ADRA1D: variants seen among roughly 807,000 people sequenced by gnomAD.
The protein encoded by ADRA1D is alpha-1D adrenergic receptor.
A neutral mutation model predicts 18.6 loss-of-function variants in ADRA1D; 22 were observed. That is an observed-to-expected ratio of 1.19 (90% CI 0.85 to 1.69). ADRA1D has a LOEUF of 1.69. Among genes scored for constraint, ADRA1D ranks in the 40% most tolerant of loss-of-function variants. The pLI, the probability that ADRA1D is intolerant of heterozygous loss-of-function variation, is 0.00. For synonymous variants in ADRA1D, 376 were observed against 388.2 expected (o/e 0.97, Z 0.37); for missense variants, 840 against 840.7 (o/e 1.00, Z 0.01).
At chr20:4,225,935 G>A (rs1029643806) in intron 1 of ADRA1D, among the ~76,000 whole-genome samples, 3 of 152,206 alleles carry the variant, frequency 2.0e-5, no homozygotes, top group Non-Finnish European at 4.4e-5. Context: ...GGCCACTAGT[G>A]TTGACCTCAG....
rs116409377 is a variant in ADRA1D at position 4,228,569 on chromosome 20, A to C, written c.1112-6439T>G. Among the ~76,000 whole-genome samples the C allele has an allele frequency of 5.7e-3, 869 of 152,326 alleles. 9 individuals are homozygous for C. The highest frequency in any genetic ancestry group is 0.019 in the African/African-American group (806 of 41,564). ...CCTTAAATGGTGAAATAGAGAGGGA[A>C]CATATAGTTACCTACAGTGTAACCT... On this transcript the variant is annotated intron_variant, in intron 1 of 1. Coordinates refer to ENST00000379453, the MANE Select transcript of ADRA1D (RefSeq NM_000678.4).
In ADRA1D at chr20:4,221,693, G is replaced by A. The variant is rs1980669651; in HGVS notation, c.1549C>T (p.Leu517=). Residue 517 remains leucine, a synonymous_variant, in exon 2 of 2, where the codon CTG becomes TTG. Coordinates refer to ENST00000379453, the MANE Select transcript of ADRA1D (RefSeq NM_000678.4). ...CCCCCGGCGCGGATCTTGTGCGACA[G>A]GCTGGAGACTTTGGCGCGCAGCTGG... is the stretch of plus-strand genomic sequence containing the variant. The part of the protein sequence containing the change: ...TTQLRAKVSS[L]SHKIRAGGAQ... 1 of 1,611,878 alleles carries A rather than the reference G, an allele frequency of 6.2e-7. No homozygotes were observed. Among genetic ancestry groups the A allele is most frequent in the African/African-American group, 1.3e-5 (1 of 75,048 alleles).
chr20:4,248,616 G>A lies in ADRA1D; in HGVS notation c.342C>T (p.Asn114=). Residue 114 remains asparagine, a synonymous_variant, in exon 1 of 2, where the codon AAC becomes AAT. Coordinates refer to ENST00000379453, the MANE Select transcript of ADRA1D (RefSeq NM_000678.4). ...AGGCCACTGAGAGGATGACAAGCAGGTTACCTGCCACGGCCATAAGGATGA... is the reference window on the plus strand; with the variant it reads ...AGGCCACTGAGAGGATGACAAGCAGATTACCTGCCACGGCCATAAGGATGA... ...AAFILMAVAG[N]LLVILSVACN... 1 of 1,612,878 alleles carries A rather than the reference G, an allele frequency of 6.2e-7. No homozygotes were observed.
chr20:4,227,422 G>GT (rs1980824927), intron 1 of ADRA1D, among the ~76,000 whole-genome samples: 1 of 152,036 alleles, frequency 6.6e-6, no homozygotes, highest in Non-Finnish European at 1.5e-5. Context: ...AGCACTATAG[G>GT]TAACGATCAG....
intron 1 of ADRA1D, among the ~76,000 whole-genome samples, chr20:4,245,615 A>G (rs1335905081): frequency 6.6e-6 from 1 of 152,144 alleles, no homozygotes; most frequent in Non-Finnish European, 1.5e-5. Context: ...TTGTGCATTA[A>G]GCTAAAATTT....
chr20:4,221,012 A>G lies in ADRA1D; in HGVS notation c.*511T>C, dbSNP rs957192697. ...ATGACGGCTATACAATCTGCCACCAAAGCTTGTGGGTGGTGGTAGGTCCAC... is the reference window on the plus strand; with the variant it reads ...ATGACGGCTATACAATCTGCCACCAGAGCTTGTGGGTGGTGGTAGGTCCAC... On this transcript the variant is annotated 3_prime_UTR_variant, in exon 2 of 2. Coordinates refer to ENST00000379453, the MANE Select transcript of ADRA1D (RefSeq NM_000678.4). 6.5e-6 allele frequency: 1 copy of G among 152,752 alleles called. No individual in the cohort carries two copies. The highest frequency in any genetic ancestry group is 2.4e-5 in the African/African-American group (1 of 41,474). The allele number at this position is 152,752 out of a possible 1,614,324, so 9.5% of individuals were successfully genotyped here.
intron 1 of ADRA1D, among the ~76,000 whole-genome samples, chr20:4,228,325 C>T (rs1391857800): frequency 6.6e-6 from 1 of 152,202 alleles, no homozygotes; most frequent in Non-Finnish European, 1.5e-5. Context: ...CTCCTGTCCT[C>T]TGCCAGCTCT....
At chr20:4,234,203 C>G (rs560502839) in intron 1 of ADRA1D, among the ~76,000 whole-genome samples, 1 of 152,368 alleles carries the variant, frequency 6.6e-6, no homozygotes, top group Admixed American at 6.5e-5. Context: ...ATGGCCAGGC[C>G]TGCAGGAGCT....
At chr20:4,228,130 C>T (rs1443210580) in intron 1 of ADRA1D, among the ~76,000 whole-genome samples, 2 of 152,188 alleles carry the variant, frequency 1.3e-5, no homozygotes. Flanking sequence ...TCCTCCTTCT[C>T]TGCTTAGCTG....
rs1266521390 is a variant in ADRA1D, at chr20:4,222,121, A to G, written c.1121T>C (p.Phe374Ser). ...GCCCTCCGATGGCTTCAGCTGCGGG[A>G]ACAAGGAGCCTGTAGGGAGCAGAGA... ...FFFVLPLGSL[F>S]PQLKPSEGVF... Residue 374 changes from phenylalanine to serine, a missense_variant, in exon 2 of 2, where the codon TTC becomes TCC. Coordinates refer to ENST00000379453, the MANE Select transcript of ADRA1D (RefSeq NM_000678.4). This position sits in a 1 kb window ranked among gnomAD's most constrained non-coding sequence, Gnocchi z 4.3. 1 of 1,612,506 alleles carries G rather than the reference A, an allele frequency of 6.2e-7. No homozygotes were observed. The highest frequency in any genetic ancestry group is 8.5e-7 in the Non-Finnish European group (1 of 1,179,396).
Position 4,221,713 on chromosome 20 carries a change from A to G in ADRA1D, c.1529T>C (p.Leu510Pro). The change falls in exon 2 of 2, where the codon CTG (leucine) becomes CCG (proline). Residue 510 changes from leucine to proline, a missense_variant. By Grantham distance (98) the Leu-to-Pro change is moderately conservative (BLOSUM62 -3). Coordinates refer to ENST00000379453, the MANE Select transcript of ADRA1D (RefSeq NM_000678.4). ...CGACAGGCTGGAGACTTTGGCGCGC[A>G]GCTGGGTCGTGGGTCTCCGGAACGG... ...LGPFRRPTTQ[L>P]RAKVSSLSHK... The G allele has an allele frequency of 6.2e-7, 1 of 1,609,646 alleles. No individual in the cohort carries two copies. Among genetic ancestry groups the G allele is most frequent in the South Asian group, 1.1e-5 (1 of 91,006 alleles).
intron 1 of ADRA1D, among the ~76,000 whole-genome samples, chr20:4,238,701 C>G (rs2069709611): frequency 6.6e-6 from 1 of 152,144 alleles, no homozygotes; most frequent in South Asian, 2.1e-4. Context: ...TTCAGAAATG[C>G]TGTGAGCTCT....
chr20:4,231,064 T>TC (rs1980949909), intron 1 of ADRA1D, among the ~76,000 whole-genome samples: 1 of 97,924 alleles, frequency 1.0e-5, no homozygotes, highest in African/African-American at 4.7e-5. Context: ...CTTTCTTTCT[T>TC]TCTCTCTCTC....
Position 4,248,718 on chromosome 20 carries a change from G to A in ADRA1D, c.240C>T (p.Asp80=), listed in dbSNP as rs113907488. 1.3e-6 allele frequency: 2 copies of A among 1,556,098 alleles called. No individual in the cohort carries two copies. The highest frequency in any genetic ancestry group is 1.9e-5 in the Admixed American group (1 of 51,580). The part of the protein sequence containing the change: ...GEPGSAGAGG[D]VNGTAAVGGL... ...CCCCGACGGCCGCCGTGCCATTCAC[G>A]TCGCCGCCCGCGCCCGCGCTCCCCG... The change falls in exon 1 of 2, where the codon GAC becomes GAT. Residue 80 remains aspartate (D), a synonymous_variant. Coordinates refer to ENST00000379453, the MANE Select transcript of ADRA1D (RefSeq NM_000678.4).
chr20:4,231,183 G>A (rs1294084252), intron 1 of ADRA1D, among the ~76,000 whole-genome samples: 2 of 150,736 alleles, frequency 1.3e-5, no homozygotes, highest in Admixed American at 6.6e-5. Context: ...ATGGCTCACC[G>A]AACTCCTGGG....
At chr20:4,227,917 C>G (rs938081276) in intron 1 of ADRA1D, among the ~76,000 whole-genome samples, 7 of 144,584 alleles carry the variant, frequency 4.8e-5, no homozygotes, top group African/African-American at 1.5e-4. Context: ...CCTGCAGTGC[C>G]TTTCTAAGCG....
intron 1 of ADRA1D, among the ~76,000 whole-genome samples, chr20:4,234,492 C>T (rs932865563): frequency 6.6e-6 from 1 of 152,210 alleles, no homozygotes; most frequent in Non-Finnish European, 1.5e-5. Context: ...CCATAGTAAG[C>T]CATTCCCCTG....
In ADRA1D at chr20:4,221,274, A is replaced by G. The variant is rs536426231; in HGVS notation, c.*249T>C. 7.0e-6 allele frequency: 3 copies of G among 428,798 alleles called. No homozygotes were observed. The highest frequency in any genetic ancestry group is 2.0e-5 in the African/African-American group (1 of 48,828). The allele number at this position is 428,798 out of a possible 1,614,324, so 26.6% of individuals were successfully genotyped here. On this transcript the variant is annotated 3_prime_UTR_variant, in exon 2 of 2. Coordinates refer to ENST00000379453, the MANE Select transcript of ADRA1D (RefSeq NM_000678.4). Reference sequence around the variant, plus strand: ...GGATTGGGAGCAAAAGGCCCCACGGAGCCCGCAGCCTCTCCCTTCTAAGAA... The same window carrying G: ...GGATTGGGAGCAAAAGGCCCCACGGGGCCCGCAGCCTCTCCCTTCTAAGAA...
chr20:4,243,082 G>C (rs534632927), intron 1 of ADRA1D, among the ~76,000 whole-genome samples: 1 of 152,078 alleles, frequency 6.6e-6, no homozygotes, highest in Non-Finnish European at 1.5e-5. Flanking sequence ...CAGCCCCTCC[G>C]GTACCCCTCA....
Sources: gnomAD v4.1 joint callset for allele counts (sites outside exome capture counted in the v4.1 genomes callset) on GRCh38, gnomAD v4.1.1 for gene constraint, Gnocchi (gnomAD v3.1) non-coding constraint, MANE v1.5 for transcripts, NCBI Gene and HGNC (gene_info 2026-07-23, HGNC 2026-07-21) for gene names.